CNTN5: variants seen among roughly 807,000 people sequenced by gnomAD.
CNTN5 encodes contactin 5.
In CNTN5, 77 loss-of-function variants were observed where a neutral mutation model predicts 129.1. The observed-to-expected ratio is 0.60, with a 90% CI of 0.50 to 0.72. The LOEUF (loss-of-function observed/expected upper bound fraction) is 0.72, where lower values mean the gene tolerates loss of function less well. Ranked by LOEUF, CNTN5 falls within the 30% of genes least tolerant of loss-of-function variation. CNTN5 has a pLI of 0.00. For missense variants in CNTN5, 1,478 were observed against 1,328.8 expected (o/e 1.11, Z -1.75); for synonymous variants, 509 against 465.6 (o/e 1.09, Z -1.20).
intron 15 of CNTN5, among the ~76,000 whole-genome samples, chr11:100,207,524 C>T (rs1292991063): frequency 6.6e-6 from 1 of 152,016 alleles, no homozygotes; most frequent in Non-Finnish European, 1.5e-5. Flanking sequence ...CTTAAGAAGC[C>T]TCACTAAAAC....
chr11:99,915,768 A>G (rs1309136689), intron 6 of CNTN5, among the ~76,000 whole-genome samples: 1 of 152,058 alleles, frequency 6.6e-6, no homozygotes, highest in East Asian at 1.9e-4. Context: ...ATAAAAAATG[A>G]CTCTTTGTGT....
At chr11:99,098,307 C>T in intron 1 of CNTN5, among the ~76,000 whole-genome samples, 1 of 152,024 alleles carries the variant, frequency 6.6e-6, no homozygotes, top group East Asian at 1.9e-4. Context: ...CCTGAAGAAG[C>T]AGGTATTAAC....
At chr11:99,153,700 T>C (rs1860185544) in intron 1 of CNTN5, among the ~76,000 whole-genome samples, 1 of 152,114 alleles carries the variant, frequency 6.6e-6, no homozygotes, top group South Asian at 2.1e-4. Context: ...GTGCAGTTGT[T>C]TGGAGGTGAG....
intron 15 of CNTN5, among the ~76,000 whole-genome samples, chr11:100,201,580 TG>T (rs1328095145): frequency 2.0e-5 from 3 of 151,988 alleles, no homozygotes; most frequent in Non-Finnish European, 2.9e-5. Flanking sequence ...AAGGGACTGC[TG>T]TTCACATCTT....
chr11:100,358,243 T>C lies in CNTN5; in HGVS notation c.*2023T>C, dbSNP rs571529667. On this transcript the variant is annotated 3_prime_UTR_variant, in exon 25 of 25. Coordinates refer to ENST00000524871, the MANE Select transcript of CNTN5 (RefSeq NM_014361.4). ...TTAGTGAAGGACTTTAAGAATCAACTTCTTACTTACACTCTCAGAAAGCAA... is the reference window on the plus strand; with the variant it reads ...TTAGTGAAGGACTTTAAGAATCAACCTCTTACTTACACTCTCAGAAAGCAA... 1.3e-4 allele frequency: 20 copies of C among 152,032 alleles called. No homozygotes were observed. The South Asian group carries it at 4.1e-3, about 32-fold the overall frequency. The allele number at this position is 152,032 out of a possible 1,614,324, so 9.4% of individuals were successfully genotyped here. A position where few individuals can be genotyped will look rare whatever the true frequency, so the allele number is the denominator to read the frequency against.
intron 13 of CNTN5, among the ~76,000 whole-genome samples, chr11:100,118,500 C>G (rs4754670): frequency 0.16 from 23,948 of 151,800 alleles, 2,205 homozygotes; most frequent in African/African-American, 0.25. Flanking sequence ...AATTACTGCT[C>G]ACAAACTATT....
At chr11:100,116,854 G>GCTC (rs1945856367) in intron 13 of CNTN5, among the ~76,000 whole-genome samples, 1 of 151,922 alleles carries the variant, frequency 6.6e-6, no homozygotes, top group African/African-American at 2.4e-5. Context: ...GAAAGCATTG[G>GCTC]TATATAGCAA....
At chr11:99,467,990 G>A (rs887348026) in intron 2 of CNTN5, among the ~76,000 whole-genome samples, 4 of 151,966 alleles carry the variant, frequency 2.6e-5, no homozygotes, top group Non-Finnish European at 5.9e-5. Flanking sequence ...TACCCCTTGA[G>A]TCTTCAAAAT....
Position 99,731,274 on chromosome 11 carries a change from A to ATT in CNTN5, c.56-88261_56-88260dup, listed in dbSNP as rs34775940. The stretch of plus-strand genomic sequence containing the variant: ...AGGCGCCCGCCACCATGCCTGGCTA[A>ATT]TTTTTTTTTTGTATTTTTAGTAGAG... On this transcript the variant is annotated intron_variant, in intron 3 of 24. Coordinates refer to ENST00000524871, the MANE Select transcript of CNTN5 (RefSeq NM_014361.4). Among the ~76,000 whole-genome samples the ATT allele has an allele frequency of 2.4e-3, 360 of 149,554 alleles. 1 individual carries two copies. The highest frequency in any genetic ancestry group is 3.4e-3 in the Non-Finnish European group (226 of 67,224).
At chr11:100,342,188 C>T (rs1330876656) in intron 23 of CNTN5, among the ~76,000 whole-genome samples, 2 of 150,644 alleles carry the variant, frequency 1.3e-5, no homozygotes, top group African/African-American at 4.9e-5. Context: ...CACACAAGTC[C>T]ATCAGTAATG....
chr11:99,728,922 G>A (rs1943439542), intron 3 of CNTN5, among the ~76,000 whole-genome samples: 1 of 152,120 alleles, frequency 6.6e-6, no homozygotes, highest in African/African-American at 2.4e-5. Context: ...CAGGTATGTT[G>A]TACACCTCAA....
chr11:99,047,526 C>G (rs548799927), intron 1 of CNTN5, among the ~76,000 whole-genome samples: 1 of 152,008 alleles, frequency 6.6e-6, no homozygotes, highest in East Asian at 1.9e-4. Flanking sequence ...CTAAGAGCTC[C>G]AAAAGTAAGT....
intron 15 of CNTN5, among the ~76,000 whole-genome samples, chr11:100,203,628 G>C (rs578218118): frequency 4.6e-5 from 7 of 151,752 alleles, no homozygotes; most frequent in East Asian, 1.9e-4. Context: ...TTTTGAATCT[G>C]TTGATTCCTT....
At chr11:100,319,153 C>CTTTTTT (rs1291858718) in intron 21 of CNTN5, among the ~76,000 whole-genome samples, 3 of 137,392 alleles carry the variant, frequency 2.2e-5, no homozygotes, top group Non-Finnish European at 3.1e-5. Context: ...TTTTTCTTTT[C>CTTTTTT]TTTTTTTTTT....
At chr11:99,444,956 G>A (rs1944000123) in intron 2 of CNTN5, among the ~76,000 whole-genome samples, 1 of 150,616 alleles carries the variant, frequency 6.6e-6, no homozygotes, top group African/African-American at 2.4e-5. Flanking sequence ...AAATTTAATC[G>A]GGAAACAATT....
intron 7 of CNTN5, among the ~76,000 whole-genome samples, chr11:99,923,725 C>G (rs1949990189): frequency 6.6e-6 from 1 of 150,814 alleles, no homozygotes. Context: ...ACTGTAACCT[C>G]ACCAATATCT....
chr11:99,041,975 T>G (rs1167585663), intron 1 of CNTN5, among the ~76,000 whole-genome samples: 1 of 152,170 alleles, frequency 6.6e-6, no homozygotes, highest in Non-Finnish European at 1.5e-5. Flanking sequence ...AAACATTACT[T>G]CCTCTCTCTT....
At chr11:100,237,062 G>A (rs1400135462) in intron 16 of CNTN5, among the ~76,000 whole-genome samples, 3 of 151,774 alleles carry the variant, frequency 2.0e-5, no homozygotes, top group Admixed American at 1.3e-4. Context: ...GGTGGTGGGC[G>A]CCTCTAGTCC....
At chr11:99,794,966 C>T (rs1009757936) in intron 3 of CNTN5, among the ~76,000 whole-genome samples, 1 of 152,072 alleles carries the variant, frequency 6.6e-6, no homozygotes, top group South Asian at 2.1e-4. Context: ...GAATGTTAGC[C>T]TCTATTGCAA....
Sources: gnomAD v4.1 joint callset for allele counts (sites outside exome capture counted in the v4.1 genomes callset) on GRCh38, gnomAD v4.1.1 for gene constraint, MANE v1.5 for transcripts, NCBI Gene and HGNC (gene_info 2026-07-23, HGNC 2026-07-21) for gene names.